The following SUGCT variants were observed in gnomAD, a reference collection of about 807,000 sequenced individuals.
SUGCT encodes the protein succinyl-CoA:glutarate-CoA transferase.
In SUGCT, 41 loss-of-function variants were observed where a neutral mutation model predicts 55.0. The ratio of observed to expected loss-of-function variants is 0.74; its 90% CI spans 0.58 to 0.97. SUGCT has a LOEUF of 0.97. Among genes scored for constraint, SUGCT ranks in the 50% least tolerant of loss-of-function variants. The pLI is 0.00. For missense variants in SUGCT, 568 were observed against 547.8 expected, an observed-to-expected ratio of 1.04 and a Z score of -0.37; for synonymous variants, 187 against 200.4, an observed-to-expected ratio of 0.93 and a Z score of 0.56.
intron 8 of SUGCT, among the ~76,000 whole-genome samples, chr7:40,300,350 G>A (rs779724657): frequency 4.6e-5 from 7 of 151,964 alleles, no homozygotes; most frequent in Non-Finnish European, 8.8e-5. Context: ...ATTCCTTTTC[G>A]CCAGACTGCT....
intron 12 of SUGCT, among the ~76,000 whole-genome samples, chr7:40,535,512 G>T (rs1279297943): frequency 1.3e-5 from 2 of 152,150 alleles, no homozygotes; most frequent in African/African-American, 4.8e-5. Flanking sequence ...ACACAGAACT[G>T]CCATTCAGCC....
At chr7:40,558,125 A>T (rs1306004559) in intron 12 of SUGCT, among the ~76,000 whole-genome samples, 1 of 152,244 alleles carries the variant, frequency 6.6e-6, no homozygotes, top group Middle Eastern at 3.4e-3. Context: ...GAAAATAAAA[A>T]GTTTTGATGT....
intron 1 of SUGCT, among the ~76,000 whole-genome samples, chr7:40,145,809 C>G (rs1788215011): frequency 6.6e-6 from 1 of 152,178 alleles, no homozygotes; most frequent in African/African-American, 2.4e-5. Flanking sequence ...GTTTGAGCAG[C>G]CCAATTATTA....
chr7:40,675,062 CTT>C (rs777227064), intron 12 of SUGCT, among the ~76,000 whole-genome samples: 17 of 135,304 alleles, frequency 1.3e-4, no homozygotes, highest in African/African-American at 8.1e-5. Context: ...TTTCTAAAAT[CTT>C]TTTTTTTTTT....
chr7:40,929,447 G>T, the SUGCT span, among the ~76,000 whole-genome samples: 1 of 152,158 alleles, frequency 6.6e-6, no homozygotes, highest in Admixed American at 6.5e-5. Context: ...CCAGTAATGG[G>T]ATCGCTGGGT....
chr7:40,166,075 T>C (rs1326592780), intron 1 of SUGCT, among the ~76,000 whole-genome samples: 4 of 152,152 alleles, frequency 2.6e-5, no homozygotes, highest in Non-Finnish European at 4.4e-5. Context: ...GGAGCCGAGA[T>C]TGTGCCTCTG....
the SUGCT span, among the ~76,000 whole-genome samples, chr7:41,020,641 A>G: frequency 2.0e-5 from 3 of 152,170 alleles, no homozygotes; most frequent in African/African-American, 4.8e-5. Context: ...CCATAAAAGT[A>G]ATTATATATT....
chr7:40,750,138 A>G (rs1169395669), intron 13 of SUGCT, among the ~76,000 whole-genome samples: 2 of 152,302 alleles, frequency 1.3e-5, no homozygotes, highest in East Asian at 3.9e-4. Context: ...CTCTCAAAGC[A>G]TCCTCTTAAG....
chr7:40,342,665 C>A (rs1797114128), intron 9 of SUGCT, among the ~76,000 whole-genome samples: 2 of 149,222 alleles, frequency 1.3e-5, no homozygotes, highest in African/African-American at 5.0e-5. Context: ...TTTTTTGAGG[C>A]AGAGTCTTGC....
At chr7:40,505,689 A>G (rs1792553089) in intron 12 of SUGCT, among the ~76,000 whole-genome samples, 1 of 152,062 alleles carries the variant, frequency 6.6e-6, no homozygotes, top group Non-Finnish European at 1.5e-5. Flanking sequence ...ATGTATATTA[A>G]AAACTCAACA....
chr7:40,496,162 A>T lies in SUGCT; in HGVS notation c.987-122A>T, dbSNP rs989230618. The T allele has an allele frequency of 7.8e-6, 5 of 637,312 alleles. No homozygotes were observed. In the African/African-American group the frequency reaches 9.1e-5, roughly 12 times the overall value. The allele number at this position is 637,312 out of a possible 1,614,324, so 39.5% of individuals were successfully genotyped here. A position where few individuals can be genotyped will look rare whatever the true frequency, so the allele number is the denominator to read the frequency against. On this transcript the variant is annotated intron_variant, in intron 11 of 13. Coordinates refer to ENST00000335693, the MANE Select transcript of SUGCT (RefSeq NM_001193313.2). ...GACAACCTTCTCTCAAATGAGGTGT[A>T]AAGAAAGACTAGGAAACATAGTTTT...
chr7:40,651,701 A>G (rs921293421), intron 12 of SUGCT, among the ~76,000 whole-genome samples: 2 of 152,090 alleles, frequency 1.3e-5, no homozygotes, highest in Non-Finnish European at 2.9e-5. Flanking sequence ...TTTCTTCAGA[A>G]ACATCATTCA....
At chr7:40,935,455 G>A in the SUGCT span, among the ~76,000 whole-genome samples, 1 of 152,054 alleles carries the variant, frequency 6.6e-6, no homozygotes, top group Non-Finnish European at 1.5e-5. Context: ...TAATTTTTAT[G>A]TTTATGGCTT....
intron 9 of SUGCT, among the ~76,000 whole-genome samples, chr7:40,329,036 A>G (rs1239374921): frequency 6.6e-6 from 1 of 152,114 alleles, no homozygotes; most frequent in African/African-American, 2.4e-5. Context: ...GGACTAGTTT[A>G]TGGAAACAGT....
chr7:40,953,369 G>A, the SUGCT span, among the ~76,000 whole-genome samples: 13 of 152,094 alleles, frequency 8.5e-5, no homozygotes, highest in Admixed American at 5.2e-4. Context: ...TTTTTTCAAG[G>A]TTTTCAACTT....
chr7:40,758,125 G>GTTTT (rs1166007197), intron 13 of SUGCT, among the ~76,000 whole-genome samples: 378 of 152,274 alleles, frequency 2.5e-3, no homozygotes, highest in African/African-American at 8.5e-3. Context: ...CTTCAGCTAG[G>GTTTT]AGTGAGTTGC....
chr7:40,513,039 G>A (rs1793021576), intron 12 of SUGCT, among the ~76,000 whole-genome samples: 1 of 152,202 alleles, frequency 6.6e-6, no homozygotes, highest in African/African-American at 2.4e-5. Context: ...GATCCGGGAT[G>A]TAGATACGCC....
At chr7:40,363,274 C>T (rs2151227791) in intron 9 of SUGCT, among the ~76,000 whole-genome samples, 2 of 151,978 alleles carry the variant, frequency 1.3e-5, no homozygotes, top group East Asian at 3.9e-4. Context: ...CTCCTGGATT[C>T]ATTAATTTTT....
the SUGCT span, among the ~76,000 whole-genome samples, chr7:40,962,565 TCACACACACACACA>T: frequency 3.1e-3 from 417 of 136,120 alleles, 1 homozygote; most frequent in African/African-American, 8.7e-3. Flanking sequence ...CAAAGGTAAA[TCACACACACACACA>T]CACACACACA....
Sources: allele counts gnomAD v4.1 joint callset (sites outside exome capture counted in the v4.1 genomes callset), GRCh38; gene constraint gnomAD v4.1.1; transcripts MANE v1.5; gene names NCBI Gene and HGNC (gene_info 2026-07-23, HGNC 2026-07-21).